BRINP2: variants seen among roughly 807,000 people sequenced by gnomAD.
The protein encoded by BRINP2 is BMP/retinoic acid inducible neural specific 2.
A neutral mutation model predicts 69.2 loss-of-function variants in BRINP2; 21 were observed. The observed-to-expected ratio is 0.30, with a 90% CI of 0.22 to 0.44. BRINP2 has a LOEUF of 0.44. BRINP2 is among the 20% of genes least tolerant of loss of function. The pLI is 1.00. For missense variants in BRINP2, 877 were observed against 986.0 expected, an observed-to-expected ratio of 0.89 and a Z score of 1.48; for synonymous variants, 380 against 394.1, an observed-to-expected ratio of 0.96 and a Z score of 0.42.
chr1:177,180,008 CTT>C (rs1002909299), intron 1 of BRINP2, among the ~76,000 whole-genome samples: 1 of 152,106 alleles, frequency 6.6e-6, no homozygotes, highest in African/African-American at 2.4e-5. Flanking sequence ...ATGAATATCT[CTT>C]ATAATAAAAG....
In BRINP2 at chr1:177,174,122, C is replaced by A. The variant is rs186196977; in HGVS notation, c.-77+2390C>A. On this transcript the variant is annotated intron_variant, in intron 1 of 7. Transcript: ENST00000361539. The stretch of plus-strand genomic sequence containing the variant: ...GTAAAGCTAAAATGATTTTAGCCCC[C>A]TTCTTGGAAAAGGGAGGGCAGAGAA... Among the ~76,000 whole-genome samples, 68 of 152,288 alleles carry A rather than the reference C, an allele frequency of 4.5e-4. 1 individual carries two copies. Among genetic ancestry groups the A allele is most frequent in the Admixed American group, 1.3e-3 (20 of 15,304 alleles).
chr1:177,231,979 A>G (rs1451162567), intron 2 of BRINP2, among the ~76,000 whole-genome samples: 2 of 152,172 alleles, frequency 1.3e-5, no homozygotes, highest in Admixed American at 1.3e-4. Context: ...ATTTTTTTCA[A>G]TCTTTCAAAA....
At chr1:177,267,029 T>A (rs899478534) in intron 4 of BRINP2, among the ~76,000 whole-genome samples, 4 of 152,110 alleles carry the variant, frequency 2.6e-5, no homozygotes, top group Non-Finnish European at 5.9e-5. Context: ...GGGCAGTGGG[T>A]AAAGGTTTGT....
intron 3 of BRINP2, chr1:177,256,485 C>A: frequency 1.0e-6 from 1 of 985,418 alleles, no homozygotes; most frequent in East Asian, 1.1e-4. Flanking sequence ...GTCGAAGTCC[C>A]TGGAGTCCCT....
In BRINP2 at chr1:177,276,336, A is replaced by G; in HGVS notation, c.914A>G (p.Glu305Gly). ...TGCAAGTGCAGCCCCACCTTCCCTG[A>G]ATGCAACTGCCCTGATGCTGACATC... ...CWCKCSPTFP[E>G]CNCPDADIQA... Residue 305 changes from glutamate (E) to glycine (G), a missense_variant, in exon 6 of 8, where the codon GAA becomes GGA. Physicochemically the swap from Glu to Gly is moderately conservative, Grantham distance 98 (BLOSUM62 -2). Transcript: ENST00000361539. 6.2e-7 allele frequency: 1 copy of G among 1,614,186 alleles called. No individual in the cohort carries two copies. Among genetic ancestry groups the G allele is most frequent in the Non-Finnish European group, 8.5e-7 (1 of 1,180,040 alleles).
chr1:177,279,188 A>G (rs1651612399), intron 7 of BRINP2, among the ~76,000 whole-genome samples: 1 of 152,190 alleles, frequency 6.6e-6, no homozygotes, highest in African/African-American at 2.4e-5. Context: ...GAGGAAAAAA[A>G]GTGGAGACCT....
chr1:177,265,685 C>T (rs1651095104), intron 4 of BRINP2, among the ~76,000 whole-genome samples: 1 of 152,122 alleles, frequency 6.6e-6, no homozygotes, highest in African/African-American at 2.4e-5. Context: ...ACATAGGCTG[C>T]AACCCAAGAG....
chr1:177,219,118 A>G (rs1649454159), intron 1 of BRINP2, among the ~76,000 whole-genome samples: 1 of 152,244 alleles, frequency 6.6e-6, no homozygotes, highest in Non-Finnish European at 1.5e-5. Flanking sequence ...GCAAACTGCC[A>G]GTGAGCCTTG....
chr1:177,182,655 G>A lies in BRINP2; in HGVS notation c.-77+10923G>A, dbSNP rs543844355. ...TATCATGTCTTTAGAAGTTTCGATGGTTTTTTTTTGCTCTCGTATGTGACG... is the reference window on the plus strand; with the variant it reads ...TATCATGTCTTTAGAAGTTTCGATGATTTTTTTTTGCTCTCGTATGTGACG... On this transcript the variant is annotated intron_variant, in intron 1 of 7. Coordinates refer to ENST00000361539, the MANE Select transcript of BRINP2 (RefSeq NM_021165.4). Among the ~76,000 whole-genome samples, 283 of 151,342 alleles carry A rather than the reference G, an allele frequency of 1.9e-3. 2 individuals carry two copies. Among genetic ancestry groups the A allele is most frequent in the Middle Eastern group, 6.8e-3 (2 of 294 alleles).
Position 177,223,832 on chromosome 1 carries a change from TC to T in BRINP2, c.-76-5967del, listed in dbSNP as rs11310791. Among the ~76,000 whole-genome samples the T allele has an allele frequency of 2.7e-3, 405 of 152,172 alleles. 2 individuals are homozygous for T. Among genetic ancestry groups the T allele is most frequent in the African/African-American group, 9.3e-3 (387 of 41,528 alleles). The stretch of plus-strand genomic sequence containing the variant: ...CTATTGCTTGCCAGTTCCATGCCAG[TC>T]CTGAGGGTGACACTGAAGGTCGAAT... On this transcript the variant is annotated intron_variant, in intron 1 of 7. Transcript: ENST00000361539.
Position 177,273,634 on chromosome 1 carries a change from A to T in BRINP2, c.775+41A>T, listed in dbSNP as rs777497228. Reference sequence around the variant, plus strand: ...ATGGTTTTCATACCTTTCACACCTGATTTAAAAAAAAAAATTCCTAGATCA... The same window carrying T: ...ATGGTTTTCATACCTTTCACACCTGTTTTAAAAAAAAAAATTCCTAGATCA... On this transcript the variant is annotated intron_variant, in intron 5 of 7. Coordinates refer to ENST00000361539, the MANE Select transcript of BRINP2 (RefSeq NM_021165.4). 3.2e-6 allele frequency: 4 copies of T among 1,245,812 alleles called. No individual in the cohort carries two copies. The South Asian group carries it at 6.8e-5, about 21-fold the overall frequency. The allele number at this position is 1,245,812 out of a possible 1,614,324, so 77.2% of individuals were successfully genotyped here. A position where few individuals can be genotyped will look rare whatever the true frequency, so the allele number is the denominator to read the frequency against.
chr1:177,275,379 G>A (rs1169399723), intron 5 of BRINP2, among the ~76,000 whole-genome samples: 1 of 152,154 alleles, frequency 6.6e-6, no homozygotes, highest in Non-Finnish European at 1.5e-5. Flanking sequence ...TGATCTCAGG[G>A]CATTGACCAC....
At position 177,281,158 on chromosome 1, in the gene BRINP2, TCTA is replaced by T; in HGVS notation, c.1986_1988del (p.Tyr663del). 1.2e-6 allele frequency: 2 copies of T among 1,614,190 alleles called. No individual in the cohort carries two copies. The highest frequency in any genetic ancestry group is 1.7e-6 in the Non-Finnish European group (2 of 1,180,032). On this transcript the variant is annotated inframe_deletion, in exon 8 of 8. Transcript: ENST00000361539. ...CTGGATGACAGCTCCAATGAGACAA[TCTA>T]CTATGAGCCCCTGGAGATGACTGAT... is the stretch of plus-strand genomic sequence containing the variant.
chr1:177,270,235 A>C (rs1651269192), intron 4 of BRINP2, among the ~76,000 whole-genome samples: 1 of 152,136 alleles, frequency 6.6e-6, no homozygotes, highest in Non-Finnish European at 1.5e-5. Context: ...AATGAAAAGC[A>C]CTATGACTCT....
At chr1:177,222,172 AAAAC>A (rs1234992873) in intron 1 of BRINP2, among the ~76,000 whole-genome samples, 7 of 151,838 alleles carry the variant, frequency 4.6e-5, no homozygotes, top group Admixed American at 3.9e-4. Context: ...AAACAACAAC[AAAAC>A]AAACAAACAA....
intron 3 of BRINP2, chr1:177,256,841 C>CG: frequency 8.6e-7 from 1 of 1,167,318 alleles, no homozygotes; most frequent in Non-Finnish European, 1.1e-6. Flanking sequence ...GAAAAAGCCA[C>CG]GAAGACTCCT....
At position 177,276,058 on chromosome 1, in the gene BRINP2, T is replaced by C; in HGVS notation, c.776-140T>C. On this transcript the variant is annotated intron_variant, in intron 5 of 7. Coordinates refer to ENST00000361539, the MANE Select transcript of BRINP2 (RefSeq NM_021165.4). Reference sequence around the variant, plus strand: ...TTCTCCCCCAACCAGCTCAGCAGGATTAGGCCCTGTGGTGCCCATGCTTGG... The same window carrying C: ...TTCTCCCCCAACCAGCTCAGCAGGACTAGGCCCTGTGGTGCCCATGCTTGG... The C allele has an allele frequency of 8.0e-6, 6 of 754,624 alleles. No homozygotes were observed. The South Asian group carries it at 9.8e-5, about 12-fold the overall frequency. 46.7% of individuals were successfully genotyped at this position (754,624 alleles called of 1,614,324 possible).
chr1:177,248,149 C>T (rs1010457244), intron 2 of BRINP2, among the ~76,000 whole-genome samples: 3 of 152,156 alleles, frequency 2.0e-5, no homozygotes, highest in Admixed American at 1.3e-4. Context: ...CAACCACCCA[C>T]ATTGTAGGCT....
At position 177,178,816 on chromosome 1, in the gene BRINP2, A is replaced by T. The variant is rs1056589940; in HGVS notation, c.-77+7084A>T. Among the ~76,000 whole-genome samples, 4 of 152,192 alleles carry T rather than the reference A, an allele frequency of 2.6e-5. 1 individual carries two copies. The highest frequency in any genetic ancestry group is 2.6e-4 in the Admixed American group (4 of 15,288). ...GGCACTGAGGATTCAGCAAACAGCA[A>T]CACAGATAAAAGGTCTGCCCTCAAG... On this transcript the variant is annotated intron_variant, in intron 1 of 7. Coordinates refer to ENST00000361539, the MANE Select transcript of BRINP2 (RefSeq NM_021165.4).
Sources: allele counts gnomAD v4.1 joint callset (sites outside exome capture counted in the v4.1 genomes callset), GRCh38; gene constraint gnomAD v4.1.1; transcripts MANE v1.5; gene names NCBI Gene and HGNC (gene_info 2026-07-23, HGNC 2026-07-21).